Variants in CENPN observed in about 807,000 individuals in gnomAD.
CENPN encodes the protein centromere protein N.
A neutral mutation model predicts 48.6 loss-of-function variants in CENPN; 36 were observed. That is an observed-to-expected ratio of 0.74 (90% confidence interval 0.57 to 0.98). The LOEUF (loss-of-function observed/expected upper bound fraction) is 0.98, where lower values mean the gene tolerates loss of function less well. CENPN is among the 50% of genes least tolerant of loss of function. The probability of loss-of-function intolerance (pLI) is 0.00; values close to 1 mark genes in which losing one functional copy is unlikely to be tolerated. For missense variants in CENPN, 439 were observed against 399.2 expected (o/e 1.10, Z -0.85); for synonymous variants, 166 against 135.2 (o/e 1.23, Z -1.58).
chr16:81,007,897 A>C (rs933138245), intron 1 of CENPN, among the ~76,000 whole-genome samples: 1 of 152,182 alleles, frequency 6.6e-6, no homozygotes, highest in Non-Finnish European at 1.5e-5. Flanking sequence ...ACCTTAGGTC[A>C]GGAGTTCGAG....
chr16:81,007,879 G>A (rs1349474563), intron 1 of CENPN, among the ~76,000 whole-genome samples: 1 of 152,122 alleles, frequency 6.6e-6, no homozygotes, highest in African/African-American at 2.4e-5. Flanking sequence ...GACCGACGTG[G>A]GCGGATCACC....
In CENPN at chr16:81,011,859, A is replaced by G. The variant is rs1341985395; in HGVS notation, c.-10-71A>G. ...CTCTATTTTTCATATGTGTATGTGT[A>G]TGTGTAAATAAAGACAGACAAGTAT... On this transcript the variant is annotated intron_variant, in intron 1 of 10. Coordinates refer to ENST00000305850, the MANE Select transcript of CENPN (RefSeq NM_001100624.3). 4.0e-6 allele frequency: 5 copies of G among 1,241,630 alleles called. No homozygotes were observed. The Admixed American group carries it at 7.5e-5, about 19-fold the overall frequency. 76.9% of individuals were successfully genotyped at this position (1,241,630 alleles called of 1,614,324 possible).
At position 81,029,573 on chromosome 16, in the gene CENPN, T is replaced by G. The variant is rs190718987; in HGVS notation, c.*922T>G. 4.1e-4 allele frequency among the ~76,000 whole-genome samples: 63 copies of G among 151,970 alleles called. No individual in the cohort carries two copies. Among genetic ancestry groups the G allele is most frequent in the African/African-American group, 7.0e-4 (29 of 41,468 alleles). On this transcript the variant is annotated 3_prime_UTR_variant, in exon 11 of 11. Transcript: ENST00000305850. Reference sequence around the variant, plus strand: ...CTCCATCCTGCCCAGCTAATTTTTTTTTTGTTTGTTTTTTGTTTTTTGAGA... The same window carrying G: ...CTCCATCCTGCCCAGCTAATTTTTTGTTTGTTTGTTTTTTGTTTTTTGAGA...
intron 9 of CENPN, among the ~76,000 whole-genome samples, 165 bp from the exon 10 acceptor site, chr16:81,028,006 G>T (rs149587359): frequency 7.8e-4 from 118 of 152,228 alleles, no homozygotes; most frequent in East Asian, 5.2e-3. Context: ...TGCCCGACCT[G>T]CCCTCTATGT....
At chr16:81,017,855 T>C in intron 5 of CENPN, 21 bp downstream of exon 5, 1 of 1,384,200 alleles carries the variant, frequency 7.2e-7, no homozygotes, top group Non-Finnish European at 1.0e-6. Flanking sequence ...AATTCATCTT[T>C]TACATAAAAT....
At position 81,009,828 on chromosome 16, in the gene CENPN, G is replaced by T. The variant is rs59096839; in HGVS notation, c.-10-2102G>T. On this transcript the variant is annotated intron_variant, in intron 1 of 10. Transcript: ENST00000305850. ...GCTTGTCTTAAACACAGATGCCAAG[G>T]TCTGTGTGTGCCTTCCTAGAAGACA... Among the ~76,000 whole-genome samples, 1,420 of 152,304 alleles carry T rather than the reference G, an allele frequency of 9.3e-3. 21 individuals carry two copies. Among genetic ancestry groups the T allele is most frequent in the African/African-American group, 0.032 (1,342 of 41,544 alleles).
chr16:81,020,170 C>G lies in CENPN; in HGVS notation c.425C>G (p.Thr142Arg). The change falls in exon 6 of 11, where the codon ACA becomes AGA. Residue 142 changes from threonine to arginine, a missense_variant. Thr to Arg is a moderately conservative substitution (Grantham distance 71, BLOSUM62 -1). Coordinates refer to ENST00000305850, the MANE Select transcript of CENPN (RefSeq NM_001100624.3). ...WIRIAWGTQYTKPNQYKPTYV... is the reference protein window; with the variant it reads ...WIRIAWGTQYRKPNQYKPTYV... ...CGAATTGCCTGGGGAACACAGTACA[C>G]AAAGCCAAACCAGTACAAACCTACC... 1.2e-6 allele frequency: 2 copies of G among 1,613,516 alleles called. No homozygotes were observed. The highest frequency in any genetic ancestry group is 1.1e-5 in the South Asian group (1 of 91,062).
chr16:81,011,943 G>A lies in CENPN; in HGVS notation c.4G>A (p.Asp2Asn). ...GTTTTGTAAAAGTGCCAAAGAGATG[G>A]ATGAGACTGTTGCTGAGTTCATCAA... is the stretch of plus-strand genomic sequence containing the variant. M[D>N]ETVAEFIKRT... Residue 2 changes from aspartate to asparagine, a missense_variant, in exon 2 of 11, where the codon GAT (aspartate) becomes AAT (asparagine). Physicochemically the swap from Asp to Asn is conservative, Grantham distance 23. Coordinates refer to ENST00000305850, the MANE Select transcript of CENPN (RefSeq NM_001100624.3). 4 of 1,613,594 alleles carry A rather than the reference G, an allele frequency of 2.5e-6. No individual in the cohort carries two copies. Among genetic ancestry groups the A allele is most frequent in the Middle Eastern group, 3.3e-4 (2 of 6,058 alleles).
intron 5 of CENPN, among the ~76,000 whole-genome samples, chr16:81,018,630 G>A (rs1597313846): frequency 6.6e-6 from 1 of 152,142 alleles, no homozygotes; most frequent in Non-Finnish European, 1.5e-5. Flanking sequence ...TTCAGAATAA[G>A]ACAATCTTCC....
intron 6 of CENPN, among the ~76,000 whole-genome samples, chr16:81,020,683 G>A (rs1970147842): frequency 6.6e-6 from 1 of 152,082 alleles, no homozygotes; most frequent in African/African-American, 2.4e-5. Context: ...AACCGATACA[G>A]AAGTCTCTAA....
At chr16:81,017,684 G>A in intron 4 of CENPN, 74 bp from the exon 5 acceptor site, 5 of 1,023,768 alleles carry the variant, frequency 4.9e-6, no homozygotes, top group Non-Finnish European at 7.4e-6. Context: ...TAGTTTCATG[G>A]TACTTTACGA....
At position 81,029,344 on chromosome 16, in the gene CENPN, G is replaced by T. The variant is rs1456066924; in HGVS notation, c.*693G>T. ...AGTTAATTTTGATCAAAGTACTTCA[G>T]TGATCATCACTAAATACCCTATCTT... On this transcript the variant is annotated 3_prime_UTR_variant, in exon 11 of 11. Transcript: ENST00000305850. 1 of 936,858 alleles carries T rather than the reference G, an allele frequency of 1.1e-6. No homozygotes were observed. Among genetic ancestry groups the T allele is most frequent in the Non-Finnish European group, 1.3e-6 (1 of 785,868 alleles). The allele number at this position is 936,858 out of a possible 1,614,324, so 58.0% of individuals were successfully genotyped here.
chr16:81,017,267 A>G (rs1346837724), intron 3 of CENPN, 59 bp from the exon 4 acceptor site: 2 of 1,080,618 alleles, frequency 1.9e-6, no homozygotes, highest in Non-Finnish European at 1.4e-6. Context: ...AATATCTATA[A>G]GCATATTACT....
downstream of CENPN, chr16:81,032,822 T>C: frequency 9.4e-7 from 1 of 1,058,224 alleles, no homozygotes; most frequent in East Asian, 2.5e-5. Flanking sequence ...TACTCAAATT[T>C]GACCAATCTT....
At chr16:81,013,714 C>CT (rs1162515212) in intron 2 of CENPN, among the ~76,000 whole-genome samples, 2 of 151,624 alleles carry the variant, frequency 1.3e-5, no homozygotes, top group African/African-American at 4.8e-5. Flanking sequence ...GAGCAAGACT[C>CT]TGTCTCCAAA....
chr16:81,007,444 A>T (rs1310518827), intron 1 of CENPN, 167 bp downstream of exon 1: 1 of 151,788 alleles, frequency 6.6e-6, no homozygotes, highest in Non-Finnish European at 1.5e-5. Context: ...GTTCGGGCCG[A>T]GGTGAGGGGG....
At chr16:81,021,522 G>T (rs1287435152) in intron 6 of CENPN, among the ~76,000 whole-genome samples, 1 of 152,122 alleles carries the variant, frequency 6.6e-6, no homozygotes, top group African/African-American at 2.4e-5. Context: ...GAGTACCAAG[G>T]ACTCCACTGT....
Position 81,030,521 on chromosome 16 carries a change from G to A in CENPN, c.*1870G>A, listed in dbSNP as rs1422917984. 2.1e-6 allele frequency: 1 copy of A among 470,102 alleles called. No homozygotes were observed. The highest frequency in any genetic ancestry group is 2.8e-6 in the Non-Finnish European group (1 of 359,314). 29.1% of individuals were successfully genotyped at this position (470,102 alleles called of 1,614,324 possible). On this transcript the variant is annotated 3_prime_UTR_variant, in exon 11 of 11. Coordinates refer to ENST00000305850, the MANE Select transcript of CENPN (RefSeq NM_001100624.3). ...CCTAGCACTTTGGGAAGCCGAGGTG[G>A]GCAGATCACCCGAGGTCAGGAGTTC...
rs201073061 is a variant in CENPN, at chr16:81,028,658, C to A, written c.*7C>A. ...TAAAATTAGAGATAAATAAGACGTG[C>A]GTGGTTTCTTAAGCACAGCTCCTCC... On this transcript the variant is annotated 3_prime_UTR_variant, in exon 11 of 11. Transcript: ENST00000305850. The A allele has an allele frequency of 3.1e-6, 5 of 1,608,676 alleles. No homozygotes were observed. Among genetic ancestry groups the A allele is most frequent in the Non-Finnish European group, 4.2e-6 (5 of 1,178,808 alleles).
Sources: gnomAD v4.1 joint callset for allele counts (sites outside exome capture counted in the v4.1 genomes callset) on GRCh38, gnomAD v4.1.1 for gene constraint, MANE v1.5 for transcripts, NCBI Gene and HGNC (gene_info 2026-07-23, HGNC 2026-07-21) for gene names.